Variants in UBE2V1 observed in about 807,000 individuals in gnomAD.
UBE2V1 encodes ubiquitin conjugating enzyme E2 V1.
UBE2V1 carries 15 observed loss-of-function variants against 19.6 expected under a neutral mutation model. That is an observed-to-expected ratio of 0.77 (90% CI 0.51 to 1.18). The LOEUF (loss-of-function observed/expected upper bound fraction) is 1.18. Ranked by LOEUF, UBE2V1 falls within the 50% of genes most tolerant of loss-of-function variation. The pLI, the probability that UBE2V1 is intolerant of heterozygous loss-of-function variation, is 0.00. For missense variants in UBE2V1, 125 were observed against 184.8 expected (o/e 0.68, Z 1.88); for synonymous variants, 60 against 60.7 (o/e 0.99, Z 0.05).
chr20:50,083,860 C>T (rs1214879823), intron 3 of UBE2V1: 1 of 264,106 alleles, frequency 3.8e-6, no homozygotes, highest in East Asian at 7.3e-5. Context: ...GTTTCCTCAT[C>T]TCTACCTCAC....
At chr20:50,115,845 C>G (rs1278232994), upstream of UBE2V1, 2 of 325,926 alleles carry the variant, frequency 6.1e-6, no homozygotes, top group African/African-American at 4.3e-5. Flanking sequence ...ATCTATGGTG[C>G]CCGTAAATGT....
At chr20:50,113,204 C>A, upstream of UBE2V1, 1 of 1,171,806 alleles carries the variant, frequency 8.5e-7, no homozygotes, top group Non-Finnish European at 1.1e-6. Context: ...GATGCGCAGG[C>A]GCGCGCGCAC....
upstream of UBE2V1, chr20:50,115,823 C>A: frequency 2.6e-6 from 1 of 379,606 alleles, no homozygotes; most frequent in Non-Finnish European, 4.5e-6. Context: ...AGGATTAAAA[C>A]ACAAGCCTTT....
chr20:50,091,617 T>C (rs1406096256), intron 2 of UBE2V1, among the ~76,000 whole-genome samples: 1 of 151,950 alleles, frequency 6.6e-6, no homozygotes, highest in Non-Finnish European at 1.5e-5. Flanking sequence ...GGTCTTGAAC[T>C]CCTGACCTCA....
intron 1 of UBE2V1, among the ~76,000 whole-genome samples, chr20:50,110,799 C>G (rs1240299902): frequency 6.6e-6 from 1 of 152,210 alleles, no homozygotes; most frequent in Non-Finnish European, 1.5e-5. Context: ...CTTGCTTGCA[C>G]ATGAAGGCCT....
intron 2 of UBE2V1, among the ~76,000 whole-genome samples, chr20:50,085,799 T>C (rs945937231): frequency 1.3e-5 from 2 of 152,054 alleles, no homozygotes; most frequent in African/African-American, 4.8e-5. Flanking sequence ...CCTGCCCTCT[T>C]CCTCCTCAGT....
intron 2 of UBE2V1, among the ~76,000 whole-genome samples, chr20:50,091,862 C>A (rs1046537333): frequency 6.6e-6 from 1 of 152,118 alleles, no homozygotes; most frequent in Admixed American, 6.5e-5. Context: ...GTGGGTAGAA[C>A]CACACCACAC....
chr20:50,096,554 C>T (rs774530531), intron 2 of UBE2V1, 118 bp downstream of exon 2: 2 of 1,601,412 alleles, frequency 1.2e-6, no homozygotes, highest in Non-Finnish European at 1.7e-6. Context: ...AAAGAATAGC[C>T]ACATTTCAGA....
chr20:50,089,962 C>T (rs1021965240), intron 2 of UBE2V1, among the ~76,000 whole-genome samples: 1 of 152,134 alleles, frequency 6.6e-6, no homozygotes, highest in African/African-American at 2.4e-5. Flanking sequence ...GTGTCTTTTG[C>T]ACTCCCCCAA....
At chr20:50,105,631 G>A (rs1273737920) in intron 1 of UBE2V1, among the ~76,000 whole-genome samples, 1 of 152,180 alleles carries the variant, frequency 6.6e-6, no homozygotes, top group Non-Finnish European at 1.5e-5. Context: ...ACAGCATCAA[G>A]TGACAATATG....
chr20:50,082,672 T>G lies in UBE2V1; in HGVS notation c.*96A>C. ...GCTTCCTTTCCGGTACTTTGAGGTC[T>G]ACAAGACGTATCTAGAAAATTTACT... On this transcript the variant is annotated 3_prime_UTR_variant, in exon 4 of 4. Transcript: ENST00000371674. 6.5e-7 allele frequency: 1 copy of G among 1,539,390 alleles called. No homozygotes were observed. The highest frequency in any genetic ancestry group is 1.3e-5 in the South Asian group (1 of 79,308).
rs141749594 is a variant in UBE2V1, at chr20:50,098,667, G to A, written c.23-1847C>T. On this transcript the variant is annotated intron_variant, in intron 1 of 3. Coordinates refer to ENST00000371674, the MANE Select transcript of UBE2V1 (RefSeq NM_001032288.3). The stretch of plus-strand genomic sequence containing the variant: ...GGTAGTGGTATGTTAGAGGACTTTC[G>A]GTGGTATGTGATTGAACACTTCGTT... 2.7e-3 allele frequency among the ~76,000 whole-genome samples: 416 copies of A among 152,178 alleles called. 2 individuals are homozygous for A. The highest frequency in any genetic ancestry group is 9.1e-3 in the African/African-American group (379 of 41,506).
rs190672140 is a variant in UBE2V1 at position 50,081,694 on chromosome 20, G to C, written c.*1074C>G. Reference sequence around the variant, plus strand: ...ATTTTTAAAAGCAAAAGCAGTTACAGGAAAGTAAAACAATTCAGAGGGATC... The same window carrying C: ...ATTTTTAAAAGCAAAAGCAGTTACACGAAAGTAAAACAATTCAGAGGGATC... On this transcript the variant is annotated 3_prime_UTR_variant, in exon 4 of 4. Coordinates refer to ENST00000371674, the MANE Select transcript of UBE2V1 (RefSeq NM_001032288.3). 3 of 199,526 alleles carry C rather than the reference G, an allele frequency of 1.5e-5. No individual in the cohort carries two copies. In the East Asian group the frequency reaches 3.3e-4, roughly 22 times the overall value. The allele number at this position is 199,526 out of a possible 1,614,324, so 12.4% of individuals were successfully genotyped here.
intron 1 of UBE2V1, among the ~76,000 whole-genome samples, chr20:50,110,747 A>C (rs759488348): frequency 3.3e-5 from 5 of 152,142 alleles, no homozygotes; most frequent in Non-Finnish European, 5.9e-5. Flanking sequence ...ATACCATCTC[A>C]AATCCAAAGC....
rs202032862 is a variant in UBE2V1, at chr20:50,102,351, A to G, written c.23-5531T>C. On this transcript the variant is annotated intron_variant, in intron 1 of 3. Coordinates refer to ENST00000371674, the MANE Select transcript of UBE2V1 (RefSeq NM_001032288.3). ...TTTTAAATCGAGTAAAAAAGGACAA[A>G]AGGTCTGCAAACCTCATTTTCTAAA... Among the ~76,000 whole-genome samples the G allele has an allele frequency of 9.8e-5, 15 of 152,300 alleles. No individual in the cohort carries two copies. The East Asian group carries it at 2.5e-3, about 25-fold the overall frequency.
At chr20:50,095,220 C>T (rs143522367) in intron 2 of UBE2V1, 124 of 152,280 alleles carry the variant, frequency 8.1e-4, no homozygotes, top group African/African-American at 2.7e-3. Flanking sequence ...AAGCACAGTT[C>T]TCATCCTCAA....
intron 1 of UBE2V1, among the ~76,000 whole-genome samples, chr20:50,105,512 T>G (rs906216047): frequency 2.6e-5 from 4 of 152,192 alleles, no homozygotes; most frequent in Non-Finnish European, 5.9e-5. Context: ...CCAAGAATAC[T>G]CTAACATATG....
Position 50,103,183 on chromosome 20 carries a change from G to A in UBE2V1, c.23-6363C>T, listed in dbSNP as rs142803540. 5.3e-4 allele frequency among the ~76,000 whole-genome samples: 80 copies of A among 152,322 alleles called. No individual in the cohort carries two copies. In the East Asian group the frequency reaches 8.9e-3, roughly 17 times the overall value. On this transcript the variant is annotated intron_variant, in intron 1 of 3. Transcript: ENST00000371674. ...TGCTGAATCTCCAATGTGTCAGGGT[G>A]TTTTGCCCTCTAGAGTAAGCACCCA...
intron 2 of UBE2V1, among the ~76,000 whole-genome samples, chr20:50,092,552 G>GA (rs1455222024): frequency 6.6e-6 from 1 of 152,128 alleles, no homozygotes; most frequent in East Asian, 1.9e-4. Flanking sequence ...TCATGACAAA[G>GA]AAAAGAACCA....
Sources: gnomAD v4.1 joint callset for allele counts (sites outside exome capture counted in the v4.1 genomes callset) on GRCh38, gnomAD v4.1.1 for gene constraint, MANE v1.5 for transcripts, NCBI Gene and HGNC (gene_info 2026-07-23, HGNC 2026-07-21) for gene names.